The following GALNT1 variants were observed in gnomAD, a reference collection of about 807,000 sequenced individuals.
The protein encoded by GALNT1 is polypeptide N-acetylgalactosaminyltransferase 1, also known as GalNAc transferase 1.
Under a neutral mutation model 65.7 loss-of-function variants are expected in GALNT1, and 17 were observed. The observed-to-expected ratio is 0.26, with a 90% CI of 0.18 to 0.39. The LOEUF (loss-of-function observed/expected upper bound fraction) is 0.39. GALNT1 is among the 10% of genes least tolerant of loss of function. The probability of loss-of-function intolerance (pLI) is 1.00; values close to 1 mark genes in which losing one functional copy is unlikely to be tolerated. For synonymous variants in GALNT1, 210 were observed against 219.7 expected (o/e 0.96, Z 0.39); for missense variants, 460 against 672.8 (o/e 0.68, Z 3.50).
At chr18:35,644,450 G>A (rs113838605) in intron 1 of GALNT1, among the ~76,000 whole-genome samples, 5 of 152,158 alleles carry the variant, frequency 3.3e-5, no homozygotes, top group African/African-American at 1.2e-4. Context: ...GACTGGAGCC[G>A]TACTCACTTT....
chr18:35,594,618 A>C (rs781696854), intron 1 of GALNT1, among the ~76,000 whole-genome samples: 4 of 152,210 alleles, frequency 2.6e-5, no homozygotes, highest in Non-Finnish European at 2.9e-5. Flanking sequence ...TGAAAGGTCC[A>C]ATGAAGTGAG....
chr18:35,581,486 C>T (rs1264311061), upstream of GALNT1, among the ~76,000 whole-genome samples: 2 of 145,240 alleles, frequency 1.4e-5, no homozygotes, highest in Non-Finnish European at 3.1e-5. Context: ...CCGCCGCCGC[C>T]GCTGCCGCCG....
chr18:35,582,055 T>C (rs2432688), intron 1 of GALNT1, among the ~76,000 whole-genome samples, 193 bp downstream of exon 1: 64,749 of 151,870 alleles, frequency 0.43, 14,589 homozygotes, highest in Middle Eastern at 0.6. Context: ...GCGGCGTCTC[T>C]GGTTGGCAGC....
At chr18:35,616,516 GT>G (rs201513656) in intron 1 of GALNT1, among the ~76,000 whole-genome samples, 5 of 152,026 alleles carry the variant, frequency 3.3e-5, no homozygotes, top group East Asian at 1.9e-4. Context: ...GACACTGGGT[GT>G]TTTTTTTATC....
At chr18:35,624,598 A>AG (rs1245856066) in intron 1 of GALNT1, among the ~76,000 whole-genome samples, 1 of 152,158 alleles carries the variant, frequency 6.6e-6, no homozygotes, top group Non-Finnish European at 1.5e-5. Flanking sequence ...TGCTGTCTAT[A>AG]GGTGTGGTTT....
chr18:35,607,150 A>G (rs1409035290), intron 1 of GALNT1, among the ~76,000 whole-genome samples: 1 of 152,140 alleles, frequency 6.6e-6, no homozygotes, highest in Non-Finnish European at 1.5e-5. Flanking sequence ...AGTCTAAGAC[A>G]GAGGCCCTGA....
chr18:35,641,344 G>C (rs1205146906), intron 1 of GALNT1, among the ~76,000 whole-genome samples: 1 of 152,146 alleles, frequency 6.6e-6, no homozygotes, highest in African/African-American at 2.4e-5. Context: ...CTCGGAGGCT[G>C]AAGTGGGAAG....
At chr18:35,667,117 C>G (rs575324896) in intron 3 of GALNT1, among the ~76,000 whole-genome samples, 1 of 152,150 alleles carries the variant, frequency 6.6e-6, no homozygotes, top group Admixed American at 6.5e-5. Flanking sequence ...CAATCTTTGC[C>G]TCCTGGTATT....
At chr18:35,587,199 T>C (rs2046387736) in intron 1 of GALNT1, among the ~76,000 whole-genome samples, 1 of 152,262 alleles carries the variant, frequency 6.6e-6, no homozygotes, top group Admixed American at 6.5e-5. Context: ...TATGTTGATT[T>C]TGTATTCCAC....
intron 3 of GALNT1, among the ~76,000 whole-genome samples, chr18:35,671,996 G>A (rs2047644166): frequency 6.6e-6 from 1 of 151,956 alleles, no homozygotes; most frequent in African/African-American, 2.4e-5. Context: ...TTCTCTGTTT[G>A]TTCCTTTTCA....
intron 1 of GALNT1, among the ~76,000 whole-genome samples, chr18:35,589,078 T>C (rs2046413003): frequency 6.6e-6 from 1 of 152,112 alleles, no homozygotes. Context: ...GGAAGGTTGG[T>C]GGGGAGGGCA....
chr18:35,621,962 AC>A (rs2046857837), intron 1 of GALNT1, among the ~76,000 whole-genome samples: 1 of 152,124 alleles, frequency 6.6e-6, no homozygotes, highest in South Asian at 2.1e-4. Context: ...TGTGTATGAC[AC>A]CAAATTAGTT....
At chr18:35,692,143 A>G (rs772056625) in intron 8 of GALNT1, 38 bp from the exon 9 acceptor site, 1 of 1,566,406 alleles carries the variant, frequency 6.4e-7, no homozygotes, top group Non-Finnish European at 8.8e-7. Flanking sequence ...TACCTAAAAC[A>G]ACACTAATAA....
intron 2 of GALNT1, among the ~76,000 whole-genome samples, chr18:35,657,676 A>G (rs961093473): frequency 1.3e-5 from 2 of 152,180 alleles, no homozygotes; most frequent in African/African-American, 4.8e-5. Context: ...TTTTACCTAA[A>G]ATAAAGTGTT....
At chr18:35,709,023 A>AT (rs2048311527) in intron 11 of GALNT1, among the ~76,000 whole-genome samples, 1 of 152,206 alleles carries the variant, frequency 6.6e-6, no homozygotes, top group Admixed American at 6.5e-5. Flanking sequence ...AACCACCAGG[A>AT]TAGCCTCTGG....
intron 11 of GALNT1, among the ~76,000 whole-genome samples, chr18:35,708,251 A>G (rs72891616): frequency 0.085 from 12,925 of 152,132 alleles, 599 homozygotes; most frequent in African/African-American, 0.12. Context: ...AAAAAAAGAA[A>G]AAAAAATTCC....
In GALNT1 at chr18:35,683,834, G is replaced by C. The variant is rs112240258; in HGVS notation, c.689+236G>C. Among the ~76,000 whole-genome samples, 178 of 152,328 alleles carry C rather than the reference G, an allele frequency of 1.2e-3. 1 individual carries two copies. The highest frequency in any genetic ancestry group is 3.9e-3 in the African/African-American group (162 of 41,574). On this transcript the variant is annotated intron_variant, in intron 5 of 11. Transcript: ENST00000269195. ...GGAGTGATTAGGAAGCATGTCATTGGAATGTATACTATATGCTGTGTTCAC... is the reference window on the plus strand; with the variant it reads ...GGAGTGATTAGGAAGCATGTCATTGCAATGTATACTATATGCTGTGTTCAC...
At chr18:35,604,703 G>C (rs556741427) in intron 1 of GALNT1, among the ~76,000 whole-genome samples, 2 of 152,138 alleles carry the variant, frequency 1.3e-5, no homozygotes, top group Non-Finnish European at 2.9e-5. Flanking sequence ...TATTGGCCGT[G>C]TGTATGTCTT....
At chr18:35,642,349 A>G (rs1382369168) in intron 1 of GALNT1, among the ~76,000 whole-genome samples, 2 of 152,228 alleles carry the variant, frequency 1.3e-5, no homozygotes, top group East Asian at 3.8e-4. Context: ...AGTGTTAGAA[A>G]AAAGCAAGTC....
Sources: allele counts gnomAD v4.1 joint callset (sites outside exome capture counted in the v4.1 genomes callset), GRCh38; gene constraint gnomAD v4.1.1; transcripts MANE v1.5; gene names NCBI Gene and HGNC (gene_info 2026-07-23, HGNC 2026-07-21).